Variants in TP53INP1 observed in about 807,000 individuals in gnomAD.
TP53INP1 encodes the protein tumor protein p53-inducible nuclear protein 1.
A neutral mutation model predicts 21.0 loss-of-function variants in TP53INP1; 12 were observed. The ratio of observed to expected loss-of-function variants is 0.57; its 90% CI spans 0.37 to 0.93. The LOEUF is 0.93. Ranked by LOEUF, TP53INP1 falls within the 40% of genes least tolerant of loss-of-function variation. The pLI is 0.01. For missense variants in TP53INP1, 274 were observed against 294.7 expected, an observed-to-expected ratio of 0.93 and a Z score of 0.51; for synonymous variants, 91 against 94.8, an observed-to-expected ratio of 0.96 and a Z score of 0.23.
intron 3 of TP53INP1, among the ~76,000 whole-genome samples, chr8:94,936,167 C>G (rs1475589058): frequency 2.6e-5 from 4 of 152,170 alleles, no homozygotes; most frequent in African/African-American, 9.7e-5. Context: ...TGAAGCTACC[C>G]CTAGGATTGA....
rs1473341343 is a variant in TP53INP1, at chr8:94,949,211, G to A, written c.-208C>T. 3 of 150,714 alleles carry A rather than the reference G, an allele frequency of 2.0e-5. No individual in the cohort carries two copies. Among genetic ancestry groups the A allele is most frequent in the Non-Finnish European group, 4.4e-5 (3 of 67,574 alleles). 9.3% of individuals were successfully genotyped at this position (150,714 alleles called of 1,614,324 possible). On this transcript the variant is annotated 5_prime_UTR_variant, in exon 1 of 4. Transcript: ENST00000342697. ...AGGGAGCGGCCGCCGGCTCGGCGGG[G>A]AAGGACGCGGGCGGGGCGGGACTGC...
chr8:94,938,617 T>C (rs1821220557), intron 3 of TP53INP1, among the ~76,000 whole-genome samples: 1 of 152,184 alleles, frequency 6.6e-6, no homozygotes, highest in Admixed American at 6.5e-5. Flanking sequence ...AATGATTTAA[T>C]CAATTATGCC....
intron 1 of TP53INP1, among the ~76,000 whole-genome samples, chr8:94,944,111 C>T (rs377540671): frequency 3.9e-5 from 6 of 152,234 alleles, no homozygotes; most frequent in African/African-American, 1.4e-4. Flanking sequence ...ATTGGCCCCA[C>T]GTACAATTCT....
intron 3 of TP53INP1, 74 bp from the exon 4 acceptor site, chr8:94,930,802 A>T (rs1351502266): frequency 1.3e-6 from 2 of 1,513,224 alleles, no homozygotes; most frequent in East Asian, 4.6e-5. Context: ...GTTACTTAGC[A>T]ATTCAATTTG....
In TP53INP1 at chr8:94,941,025, C is replaced by T. The variant is rs770119283; in HGVS notation, c.-84G>A. The T allele has an allele frequency of 3.8e-5, 37 of 977,432 alleles. No homozygotes were observed. Among genetic ancestry groups the T allele is most frequent in the Middle Eastern group, 2.1e-4 (1 of 4,774 alleles). The allele number at this position is 977,432 out of a possible 1,614,324, so 60.5% of individuals were successfully genotyped here. A position where few individuals can be genotyped will look rare whatever the true frequency, so the allele number is the denominator to read the frequency against. ...TTGTCTTTAGTTGGCCCAATGGTAC[C>T]GACAGGAGATTAAAGTGCACAGGGT... is the stretch of plus-strand genomic sequence containing the variant. On this transcript the variant is annotated 5_prime_UTR_variant, in exon 2 of 4. Transcript: ENST00000342697.
chr8:94,940,909 A>G lies in TP53INP1; in HGVS notation c.33T>C (p.Gly11=). 6.2e-7 allele frequency: 1 copy of G among 1,613,928 alleles called. No individual in the cohort carries two copies. Among genetic ancestry groups the G allele is most frequent in the Admixed American group, 1.7e-5 (1 of 59,990 alleles). Reference sequence around the variant, plus strand: ...CTTGGTTGGAGGAAGAACTGACTTCACCCACAAACATTTTATTCAGCCTCT... The same window carrying G: ...CTTGGTTGGAGGAAGAACTGACTTCGCCCACAAACATTTTATTCAGCCTCT... MFQRLNKMFV[G]EVSSSSNQEP... is the part of the protein sequence containing the mutation. Residue 11 remains glycine, a synonymous_variant, in exon 2 of 4, where the codon GGT becomes GGC. Transcript: ENST00000342697.
At chr8:94,944,696 C>T (rs1219462203) in intron 1 of TP53INP1, among the ~76,000 whole-genome samples, 1 of 152,198 alleles carries the variant, frequency 6.6e-6, no homozygotes, top group Non-Finnish European at 1.5e-5. Context: ...GGGAAGAACA[C>T]AGAATGGAGT....
intron 1 of TP53INP1, among the ~76,000 whole-genome samples, chr8:94,948,262 G>A (rs560551574): frequency 2.0e-5 from 3 of 152,284 alleles, no homozygotes; most frequent in African/African-American, 7.2e-5. Flanking sequence ...TTGGCTGTGT[G>A]GCCTTGAGCA....
intron 3 of TP53INP1, chr8:94,939,632 A>T: frequency 1.9e-6 from 1 of 531,182 alleles, no homozygotes; most frequent in Non-Finnish European, 3.3e-6. Flanking sequence ...TCCTGAGCTT[A>T]AGTGATCTGC....
chr8:94,939,340 A>G (rs1821293227), intron 3 of TP53INP1, among the ~76,000 whole-genome samples: 2 of 152,218 alleles, frequency 1.3e-5, no homozygotes, highest in South Asian at 2.1e-4. Flanking sequence ...GTAAATGAGA[A>G]TGCTATTATA....
intron 3 of TP53INP1, chr8:94,932,079 G>T (rs547387114): frequency 8.1e-6 from 13 of 1,610,010 alleles, no homozygotes; most frequent in Middle Eastern, 1.6e-4. Context: ...CTCTGTGCCC[G>T]TGAGTCTTAT....
In TP53INP1 at chr8:94,936,260, C is replaced by T. The variant is rs77577461; in HGVS notation, c.473+3600G>A. On this transcript the variant is annotated intron_variant, in intron 3 of 3. Transcript: ENST00000342697. Reference sequence around the variant, plus strand: ...GAAACACTAATTAGGAGGGCAGTGCCCAGAAGAGTTCCATAATAAATGGAA... The same window carrying T: ...GAAACACTAATTAGGAGGGCAGTGCTCAGAAGAGTTCCATAATAAATGGAA... Among the ~76,000 whole-genome samples, 1,299 of 152,174 alleles carry T rather than the reference C, an allele frequency of 8.5e-3. 10 individuals are homozygous for T. Among genetic ancestry groups the T allele is most frequent in the Middle Eastern group, 0.02 (6 of 294 alleles).
At chr8:94,932,659 T>C (rs970347405) in intron 3 of TP53INP1, among the ~76,000 whole-genome samples, 3 of 151,784 alleles carry the variant, frequency 2.0e-5, no homozygotes, top group Non-Finnish European at 2.9e-5. Context: ...AAAAATTAGC[T>C]GGGTGCGGTG....
Position 94,939,937 on chromosome 8 carries a change from A to G in TP53INP1, c.396T>C (p.Tyr132=), listed in dbSNP as rs1821358314. Reference sequence around the variant, plus strand: ...GACCAGGGCAGGAGTTATGCACAGCATAGACAGACATGCTGGGATGTTCAA... The same window carrying G: ...GACCAGGGCAGGAGTTATGCACAGCGTAGACAGACATGCTGGGATGTTCAA... ...LLIEHPSMSV[Y]AVHNSCPGLS... Residue 132 remains tyrosine, a synonymous_variant, in exon 3 of 4, where the codon TAT becomes TAC. Coordinates refer to ENST00000342697, the MANE Select transcript of TP53INP1 (RefSeq NM_033285.4). The G allele has an allele frequency of 6.2e-7, 1 of 1,614,218 alleles. No individual in the cohort carries two copies. Among genetic ancestry groups the G allele is most frequent in the Admixed American group, 1.7e-5 (1 of 60,034 alleles).
intron 3 of TP53INP1, 193 bp downstream of exon 3, chr8:94,939,667 G>T: frequency 1.3e-6 from 1 of 779,792 alleles, no homozygotes; most frequent in Non-Finnish European, 2.0e-6. Context: ...CAAAGTGCTG[G>T]GATTACAGGT....
At chr8:94,944,928 GC>G (rs1393102154) in intron 1 of TP53INP1, among the ~76,000 whole-genome samples, 1 of 152,206 alleles carries the variant, frequency 6.6e-6, no homozygotes, top group African/African-American at 2.4e-5. Context: ...CTTTGGCCCT[GC>G]TTTCTGCAGG....
intron 2 of TP53INP1, among the ~76,000 whole-genome samples, chr8:94,940,527 A>G (rs145769030): frequency 1.2e-4 from 18 of 152,200 alleles, no homozygotes; most frequent in Middle Eastern, 3.4e-3. Flanking sequence ...GACTGTTTCT[A>G]TTCTGCTGGA....
intron 3 of TP53INP1, among the ~76,000 whole-genome samples, chr8:94,939,002 T>G (rs1278686413): frequency 1.5e-4 from 23 of 152,116 alleles, no homozygotes; most frequent in Admixed American, 1.5e-3. Flanking sequence ...TTGAATTGAA[T>G]CAGAGGACAC....
chr8:94,947,391 T>C (rs1822116920), intron 1 of TP53INP1, among the ~76,000 whole-genome samples: 3 of 152,172 alleles, frequency 2.0e-5, no homozygotes, highest in Admixed American at 6.5e-5. Context: ...CGTACCGTCA[T>C]TGAAAAGCAG....
Sources: allele counts gnomAD v4.1 joint callset (sites outside exome capture counted in the v4.1 genomes callset), GRCh38; gene constraint gnomAD v4.1.1; transcripts MANE v1.5; gene names NCBI Gene and HGNC (gene_info 2026-07-23, HGNC 2026-07-21).